Variants in TAOK3 observed in about 807,000 individuals in gnomAD.
The protein encoded by TAOK3 is serine/threonine-protein kinase TAO3.
In TAOK3, 40 loss-of-function variants were observed where a neutral mutation model predicts 120.4. The observed-to-expected ratio is 0.33, with a 90% CI of 0.26 to 0.43. TAOK3 has a LOEUF of 0.43. TAOK3 is among the 20% of genes least tolerant of loss of function. TAOK3 has a pLI of 1.00. For synonymous variants in TAOK3, 355 were observed against 387.5 expected, an observed-to-expected ratio of 0.92 and a Z score of 0.99; for missense variants, 821 against 1,112.1, an observed-to-expected ratio of 0.74 and a Z score of 3.72.
intron 1 of TAOK3, among the ~76,000 whole-genome samples, chr12:118,362,353 T>G (rs1331099346): frequency 7.1e-6 from 1 of 140,902 alleles, no homozygotes; most frequent in Non-Finnish European, 1.5e-5. Context: ...TGCATAAATC[T>G]CACATAAATC....
chr12:118,359,078 G>C (rs757371094), intron 1 of TAOK3: 4 of 152,042 alleles, frequency 2.6e-5, no homozygotes, highest in Non-Finnish European at 5.9e-5. Context: ...CTGAACTTAA[G>C]TTATAAGAAC....
At chr12:118,164,383 A>G (rs1159762535) in intron 17 of TAOK3, among the ~76,000 whole-genome samples, 1 of 152,000 alleles carries the variant, frequency 6.6e-6, no homozygotes, top group Admixed American at 6.6e-5. Flanking sequence ...ACGTCAAGGA[A>G]AGGAGAAAGC....
intron 1 of TAOK3, among the ~76,000 whole-genome samples, chr12:118,325,833 C>T (rs1226217130): frequency 6.6e-6 from 1 of 152,110 alleles, no homozygotes; most frequent in Admixed American, 6.6e-5. Flanking sequence ...GTGCCCACCA[C>T]CATGTCAGCT....
In TAOK3 at chr12:118,289,097, C is replaced by G. The variant is rs112496190; in HGVS notation, c.-193-22338G>C. 9.2e-3 allele frequency among the ~76,000 whole-genome samples: 1,389 copies of G among 151,418 alleles called. 9 individuals are homozygous for G. Among genetic ancestry groups the G allele is most frequent in the Non-Finnish European group, 0.013 (897 of 67,836 alleles). ...GGTAGATCACTTGAGGTCAGGAGTTCAAGAAACAGCTTGGCCAACATGGTG... is the reference window on the plus strand; with the variant it reads ...GGTAGATCACTTGAGGTCAGGAGTTGAAGAAACAGCTTGGCCAACATGGTG... On this transcript the variant is annotated intron_variant, in intron 1 of 20. Coordinates refer to ENST00000392533, the MANE Select transcript of TAOK3 (RefSeq NM_016281.4).
At chr12:118,264,277 T>A (rs1183458332) in intron 2 of TAOK3, among the ~76,000 whole-genome samples, 2 of 152,218 alleles carry the variant, frequency 1.3e-5, no homozygotes, top group Non-Finnish European at 2.9e-5. Context: ...AAGCCATGTA[T>A]ACAAATGTTC....
At chr12:118,172,803 A>ATT in intron 16 of TAOK3, 143 bp from the exon 17 acceptor site, 1 of 690,306 alleles carries the variant, frequency 1.4e-6, no homozygotes. Context: ...CCTTCCCCCA[A>ATT]TTTTTTTTAT....
In TAOK3 at chr12:118,216,837, G is replaced by A. The variant is rs376002986; in HGVS notation, c.644-2727C>T. 6.7e-3 allele frequency among the ~76,000 whole-genome samples: 1,019 copies of A among 151,518 alleles called. 8 individuals carry two copies. Among genetic ancestry groups the A allele is most frequent in the African/African-American group, 0.023 (949 of 41,276 alleles). ...CCAGCTACTTGGGAGGCTGAGGCAGGAGAATGGCGTGAACCCAGGAGGCGG... is the reference window on the plus strand; with the variant it reads ...CCAGCTACTTGGGAGGCTGAGGCAGAAGAATGGCGTGAACCCAGGAGGCGG... On this transcript the variant is annotated intron_variant, in intron 9 of 20. Transcript: ENST00000392533.
intron 1 of TAOK3, among the ~76,000 whole-genome samples, chr12:118,293,431 C>A (rs184830311): frequency 6.6e-6 from 1 of 152,182 alleles, no homozygotes; most frequent in East Asian, 1.9e-4. Context: ...GTAATCCCAG[C>A]ACTTTGGGAG....
At chr12:118,244,652 CT>C (rs1405440765) in intron 4 of TAOK3, among the ~76,000 whole-genome samples, 1 of 151,384 alleles carries the variant, frequency 6.6e-6, no homozygotes, top group East Asian at 2.0e-4. Flanking sequence ...CCTCAGTCTC[CT>C]GAGTAGCTGG....
chr12:118,367,818 G>C (rs2062520), intron 1 of TAOK3, among the ~76,000 whole-genome samples: 7,375 of 150,720 alleles, frequency 0.049, 393 homozygotes, highest in East Asian at 0.25. Flanking sequence ...ATGAAAACTA[G>C]GGAAAAAATT....
intron 1 of TAOK3, among the ~76,000 whole-genome samples, chr12:118,305,203 G>A (rs2043007507): frequency 1.3e-5 from 2 of 152,146 alleles, no homozygotes; most frequent in African/African-American, 2.4e-5. Flanking sequence ...TTAACCCGCC[G>A]GGTTTGGTGG....
chr12:118,202,148 ATAT>A (rs980213628), intron 11 of TAOK3, among the ~76,000 whole-genome samples: 6 of 148,914 alleles, frequency 4.0e-5, no homozygotes, highest in African/African-American at 7.3e-5. Flanking sequence ...TATAAAATAA[ATAT>A]TATAAATAAA....
At chr12:118,272,023 A>C (rs1037992205) in intron 1 of TAOK3, among the ~76,000 whole-genome samples, 4 of 152,242 alleles carry the variant, frequency 2.6e-5, no homozygotes, top group Admixed American at 2.0e-4. Context: ...AGAAGATTTC[A>C]TCAGAGATGT....
intron 13 of TAOK3, among the ~76,000 whole-genome samples, chr12:118,193,039 C>T (rs912861027): frequency 2.7e-5 from 4 of 146,804 alleles, no homozygotes; most frequent in African/African-American, 1.0e-4. Flanking sequence ...GGTAAACTTA[C>T]CACGTTGTTG....
intron 1 of TAOK3, among the ~76,000 whole-genome samples, chr12:118,278,099 A>ATT (rs551601266): frequency 2.0e-5 from 3 of 147,852 alleles, no homozygotes; most frequent in Non-Finnish European, 3.0e-5. Flanking sequence ...TATAAAAGGG[A>ATT]TTTTTTTTTT....
At chr12:118,349,824 A>G (rs966520237) in intron 1 of TAOK3, among the ~76,000 whole-genome samples, 5 of 152,210 alleles carry the variant, frequency 3.3e-5, no homozygotes, top group African/African-American at 1.2e-4. Flanking sequence ...GACAGCTTCA[A>G]TTTGTGGTAT....
chr12:118,233,048 T>C (rs1254656399), intron 9 of TAOK3, among the ~76,000 whole-genome samples: 1 of 151,958 alleles, frequency 6.6e-6, no homozygotes, highest in Non-Finnish European at 1.5e-5. Flanking sequence ...GTGGCACATA[T>C]ACACCATGGA....
At chr12:118,345,363 T>C (rs551591653) in intron 1 of TAOK3, among the ~76,000 whole-genome samples, 1 of 152,318 alleles carries the variant, frequency 6.6e-6, no homozygotes, top group East Asian at 1.9e-4. Flanking sequence ...TTCTTAAGGA[T>C]GATCTCAAAA....
chr12:118,254,923 A>C (rs1311559444), intron 3 of TAOK3, among the ~76,000 whole-genome samples: 4 of 151,664 alleles, frequency 2.6e-5, no homozygotes, highest in African/African-American at 9.7e-5. Flanking sequence ...ACGCCTGGCT[A>C]ATTTTTTTTT....
Sources: gnomAD v4.1 joint callset for allele counts (sites outside exome capture counted in the v4.1 genomes callset) on GRCh38, gnomAD v4.1.1 for gene constraint, MANE v1.5 for transcripts, NCBI Gene and HGNC (gene_info 2026-07-23, HGNC 2026-07-21) for gene names.